SNTG1: variants seen among roughly 807,000 people sequenced by gnomAD.
SNTG1 encodes the protein gamma-1-syntrophin.
Under a neutral mutation model 74.7 loss-of-function variants are expected in SNTG1, and 39 were observed. The observed-to-expected ratio is 0.52, with a 90% confidence interval of 0.40 to 0.68. The LOEUF is 0.68. SNTG1 is among the 30% of genes least tolerant of loss of function. The pLI, the probability that SNTG1 is intolerant of heterozygous loss-of-function variation, is 0.00. For synonymous variants in SNTG1, 254 were observed against 217.1 expected (o/e 1.17, Z -1.49); for missense variants, 685 against 609.5 (o/e 1.12, Z -1.30).
intron 11 of SNTG1, among the ~76,000 whole-genome samples, chr8:50,538,702 T>A (rs1160549742): frequency 6.6e-6 from 1 of 152,154 alleles, no homozygotes; most frequent in African/African-American, 2.4e-5. Context: ...TTCTGCTTCT[T>A]AAGTCTGTAT....
intron 2 of SNTG1, among the ~76,000 whole-genome samples, chr8:50,289,334 C>T (rs994865743): frequency 6.6e-6 from 1 of 152,162 alleles, no homozygotes. Flanking sequence ...ATAGAATGCA[C>T]AGACTTAGGA....
intron 1 of SNTG1, among the ~76,000 whole-genome samples, chr8:49,984,232 A>T (rs977942538): frequency 1.9e-4 from 29 of 151,634 alleles, no homozygotes; most frequent in Admixed American, 2.6e-4. Flanking sequence ...TGAGACAGAG[A>T]TTTACTCTTG....
intron 2 of SNTG1, among the ~76,000 whole-genome samples, chr8:50,388,646 GA>G (rs2092610554): frequency 6.6e-6 from 1 of 152,142 alleles, no homozygotes; most frequent in Non-Finnish European, 1.5e-5. Context: ...CAGCAGGCTG[GA>G]AACTCTCATG....
At chr8:50,718,161 CT>C (rs2095479271) in intron 17 of SNTG1, among the ~76,000 whole-genome samples, 1 of 151,908 alleles carries the variant, frequency 6.6e-6, no homozygotes, top group Non-Finnish European at 1.5e-5. Context: ...ATACATTTCA[CT>C]TGAGAATTTG....
intron 17 of SNTG1, among the ~76,000 whole-genome samples, chr8:50,738,916 G>C (rs2095535873): frequency 6.6e-6 from 1 of 151,972 alleles, no homozygotes; most frequent in Non-Finnish European, 1.5e-5. Context: ...ATTAACTCAA[G>C]ATGGATTAAA....
intron 15 of SNTG1, among the ~76,000 whole-genome samples, chr8:50,660,052 C>A (rs1198435750): frequency 6.6e-6 from 1 of 152,078 alleles, no homozygotes; most frequent in Non-Finnish European, 1.5e-5. Flanking sequence ...GTTGCCCAAG[C>A]TGGTCTTGAA....
chr8:49,944,443 T>G lies in SNTG1; in HGVS notation c.-103+32212T>G, dbSNP rs528630448. ...TTCTTTCTTTCTTTCTTTTTTAAGATGGAAATCATCATTCTCAGTAAACTA... is the reference window on the plus strand; with the variant it reads ...TTCTTTCTTTCTTTCTTTTTTAAGAGGGAAATCATCATTCTCAGTAAACTA... On this transcript the variant is annotated intron_variant, in intron 1 of 18. Coordinates refer to ENST00000642720, the MANE Select transcript of SNTG1 (RefSeq NM_018967.5). Among the ~76,000 whole-genome samples the G allele has an allele frequency of 7.3e-5, 11 of 151,002 alleles. No homozygotes were observed. In the East Asian group the frequency reaches 1.6e-3, roughly 22 times the overall value.
chr8:50,731,627 C>T (rs1257873957), intron 17 of SNTG1, among the ~76,000 whole-genome samples: 2 of 152,006 alleles, frequency 1.3e-5, no homozygotes, highest in African/African-American at 4.8e-5. Context: ...CTGGGTCTAC[C>T]TCAGAGCCAG....
At chr8:50,335,077 G>A (rs76120362) in intron 2 of SNTG1, among the ~76,000 whole-genome samples, 9,939 of 152,210 alleles carry the variant, frequency 0.065, 355 homozygotes, top group African/African-American at 0.072. Flanking sequence ...ATGTGTCTAG[G>A]ATATATTAAG....
chr8:50,361,548 C>T (rs977313860), intron 2 of SNTG1, among the ~76,000 whole-genome samples: 3 of 152,012 alleles, frequency 2.0e-5, no homozygotes, highest in Non-Finnish European at 4.4e-5. Context: ...CTAGGCTGCC[C>T]AGACGGGACT....
intron 12 of SNTG1, among the ~76,000 whole-genome samples, chr8:50,567,532 G>A (rs1347680906): frequency 6.6e-6 from 1 of 151,866 alleles, no homozygotes; most frequent in Non-Finnish European, 1.5e-5. Flanking sequence ...ATATGTATAT[G>A]AGATATTATT....
intron 8 of SNTG1, among the ~76,000 whole-genome samples, chr8:50,472,539 A>T (rs987273532): frequency 2.6e-5 from 4 of 152,128 alleles, no homozygotes; most frequent in African/African-American, 9.7e-5. Context: ...ATGATTAAAG[A>T]TCTAATAAGA....
At chr8:49,984,188 AT>A (rs778113143) in intron 1 of SNTG1, among the ~76,000 whole-genome samples, 6 of 151,800 alleles carry the variant, frequency 4.0e-5, no homozygotes, top group Non-Finnish European at 8.8e-5. Flanking sequence ...GTCAAATATA[AT>A]TTTTTTATTT....
intron 8 of SNTG1, among the ~76,000 whole-genome samples, chr8:50,480,588 T>G (rs2093732131): frequency 6.6e-6 from 1 of 152,206 alleles, no homozygotes; most frequent in African/African-American, 2.4e-5. Flanking sequence ...AGAGTAGTAT[T>G]GTCTTTTGGC....
intron 5 of SNTG1, among the ~76,000 whole-genome samples, chr8:50,440,659 C>T (rs1358448306): frequency 6.6e-6 from 1 of 152,124 alleles, no homozygotes; most frequent in Non-Finnish European, 1.5e-5. Flanking sequence ...TACATAAACG[C>T]ATATCTTACC....
intron 4 of SNTG1, 151 bp downstream of exon 4, chr8:50,402,495 G>T (rs540873155): frequency 1.1e-6 from 1 of 936,998 alleles, no homozygotes; most frequent in Non-Finnish European, 1.6e-6. Flanking sequence ...AGTAATCAGC[G>T]GCCCTGTACG....
chr8:50,151,842 T>G (rs1490078530), intron 1 of SNTG1, among the ~76,000 whole-genome samples: 1 of 152,194 alleles, frequency 6.6e-6, no homozygotes, highest in Non-Finnish European at 1.5e-5. Flanking sequence ...ATGTTGTCAA[T>G]TTTGGAATAA....
intron 17 of SNTG1, among the ~76,000 whole-genome samples, chr8:50,731,305 A>T (rs996741554): frequency 1.3e-5 from 2 of 152,110 alleles, no homozygotes; most frequent in Non-Finnish European, 2.9e-5. Context: ...CCTTGATCTC[A>T]TTCGATGTAG....
intron 9 of SNTG1, among the ~76,000 whole-genome samples, chr8:50,507,314 G>C (rs992167902): frequency 6.6e-6 from 1 of 151,888 alleles, no homozygotes; most frequent in African/African-American, 2.4e-5. Flanking sequence ...TCTTTGCTTG[G>C]TTTCAGTATC....
Sources: allele counts gnomAD v4.1 joint callset (sites outside exome capture counted in the v4.1 genomes callset), GRCh38; gene constraint gnomAD v4.1.1; transcripts MANE v1.5; gene names NCBI Gene and HGNC (gene_info 2026-07-23, HGNC 2026-07-21).